The following CADM2 variants were observed in gnomAD, a reference collection of about 807,000 sequenced individuals.
CADM2 encodes the protein immunoglobulin superfamily member 4D.
A neutral mutation model predicts 49.8 loss-of-function variants in CADM2; 12 were observed. The observed-to-expected ratio is 0.24, with a 90% CI of 0.15 to 0.39. The LOEUF (loss-of-function observed/expected upper bound fraction) is 0.39. Among genes scored for constraint, CADM2 ranks in the 10% least tolerant of loss-of-function variants. The probability of loss-of-function intolerance (pLI) is 1.00; values close to 1 mark genes in which losing one functional copy is unlikely to be tolerated. For missense variants in CADM2, 378 were observed against 492.3 expected (o/e 0.77, Z 2.20); for synonymous variants, 214 against 175.4 (o/e 1.22, Z -1.74).
intron 1 of CADM2, among the ~76,000 whole-genome samples, chr3:85,021,339 A>G (rs1004055474): frequency 1.2e-4 from 18 of 152,164 alleles, no homozygotes; most frequent in African/African-American, 3.4e-4. Flanking sequence ...CGAAAAAGTT[A>G]GTGTAGGTGA....
chr3:85,455,902 A>G (rs950961367), intron 1 of CADM2, among the ~76,000 whole-genome samples: 26 of 152,204 alleles, frequency 1.7e-4, no homozygotes, highest in African/African-American at 6.0e-4. Context: ...ATTCTGCTTC[A>G]TGATGACAAA....
chr3:85,342,391 A>G (rs1442251145), intron 1 of CADM2, among the ~76,000 whole-genome samples: 2 of 152,132 alleles, frequency 1.3e-5, no homozygotes, highest in Non-Finnish European at 2.9e-5. Flanking sequence ...ATGGAATTAT[A>G]TAAAATATTT....
At chr3:85,949,065 A>G (rs1226906043) in intron 7 of CADM2, among the ~76,000 whole-genome samples, 1 of 151,472 alleles carries the variant, frequency 6.6e-6, no homozygotes, top group African/African-American at 2.4e-5. Flanking sequence ...CAACATTGAA[A>G]ATATAACAGC....
At chr3:85,899,844 T>A (rs916451377) in intron 5 of CADM2, among the ~76,000 whole-genome samples, 8 of 152,164 alleles carry the variant, frequency 5.3e-5, no homozygotes, top group Non-Finnish European at 1.2e-4. Context: ...TTCAAATAGA[T>A]CTTGTCCCAG....
intron 1 of CADM2, among the ~76,000 whole-genome samples, chr3:85,599,968 T>G (rs1157830442): frequency 6.6e-6 from 1 of 151,920 alleles, no homozygotes; most frequent in Non-Finnish European, 1.5e-5. Flanking sequence ...TTTAAAGAAG[T>G]TTGTCTATTT....
chr3:85,215,391 CTTTTA>C (rs2041900356), intron 1 of CADM2, among the ~76,000 whole-genome samples: 5 of 133,538 alleles, frequency 3.7e-5, no homozygotes, highest in African/African-American at 8.3e-5. Flanking sequence ...AAGAAAAAAA[CTTTTA>C]TTTTAAGTTC....
At chr3:85,187,900 T>G (rs1188749922) in intron 1 of CADM2, among the ~76,000 whole-genome samples, 2 of 152,040 alleles carry the variant, frequency 1.3e-5, no homozygotes, top group African/African-American at 4.8e-5. Flanking sequence ...AAGTCCTTGA[T>G]GTATCAGAAT....
chr3:85,170,342 CTT>C (rs10649749), intron 1 of CADM2, among the ~76,000 whole-genome samples: 4 of 144,394 alleles, frequency 2.8e-5, no homozygotes, highest in Non-Finnish European at 4.6e-5. Context: ...CTTTTTCTAA[CTT>C]TTTTTTTTTT....
intron 1 of CADM2, among the ~76,000 whole-genome samples, chr3:85,561,232 C>A (rs9825916): frequency 0.24 from 25,620 of 105,314 alleles, 2,682 homozygotes; most frequent in Non-Finnish European, 0.37. Flanking sequence ...GACTATTTAA[C>A]AGTTTATTTA....
chr3:85,168,002 C>G (rs1318414563), intron 1 of CADM2, among the ~76,000 whole-genome samples: 3 of 152,102 alleles, frequency 2.0e-5, no homozygotes, highest in Non-Finnish European at 4.4e-5. Flanking sequence ...AGGGACTAAG[C>G]TCAAGTGGTA....
chr3:85,252,648 A>C (rs1417533016), intron 1 of CADM2, among the ~76,000 whole-genome samples: 1 of 151,978 alleles, frequency 6.6e-6, no homozygotes, highest in Non-Finnish European at 1.5e-5. Context: ...TATTATTCTC[A>C]TCTTTCAGTT....
intron 3 of CADM2, among the ~76,000 whole-genome samples, chr3:85,837,207 T>C (rs769906502): frequency 4.0e-5 from 6 of 151,632 alleles, no homozygotes; most frequent in Non-Finnish European, 8.9e-5. Flanking sequence ...TAATGTTTGA[T>C]GAGTTAAATC....
At chr3:85,716,445 T>G (rs1050604083) in intron 1 of CADM2, among the ~76,000 whole-genome samples, 4 of 152,170 alleles carry the variant, frequency 2.6e-5, no homozygotes, top group African/African-American at 9.6e-5. Context: ...TTTCTCTAAT[T>G]CTGTAGATTG....
chr3:85,224,371 TAA>T (rs1408828397), intron 1 of CADM2, among the ~76,000 whole-genome samples: 2 of 152,216 alleles, frequency 1.3e-5, no homozygotes, highest in East Asian at 1.9e-4. Flanking sequence ...CATTTTTTCA[TAA>T]GTTTGTTGGC....
At chr3:85,761,210 A>T (rs766941497) in intron 2 of CADM2, among the ~76,000 whole-genome samples, 1 of 152,068 alleles carries the variant, frequency 6.6e-6, no homozygotes, top group Non-Finnish European at 1.5e-5. Context: ...ATAAATAGGG[A>T]TGGAAACCCG....
chr3:85,801,697 G>A (rs1559667235), intron 2 of CADM2, among the ~76,000 whole-genome samples: 1 of 152,088 alleles, frequency 6.6e-6, no homozygotes, highest in Non-Finnish European at 1.5e-5. Flanking sequence ...AATTATTTCA[G>A]TGCTTTATCT....
rs116633583 is a variant in CADM2, at chr3:85,443,708, T to A, written c.62-282814T>A. Among the ~76,000 whole-genome samples the A allele has an allele frequency of 2.4e-3, 364 of 152,248 alleles. 2 individuals carry two copies. Among genetic ancestry groups the A allele is most frequent in the African/African-American group, 8.4e-3 (347 of 41,538 alleles). ...GCAATGTACCTGGCTGCCCTTTAAC[T>A]GTCTCTTTGCTCCTTCCCTTCTCAC... On this transcript the variant is annotated intron_variant, in intron 1 of 9. Coordinates refer to ENST00000383699, the MANE Select transcript of CADM2 (RefSeq NM_001167675.2).
At chr3:85,021,167 A>G (rs112568622) in intron 1 of CADM2, among the ~76,000 whole-genome samples, 25 of 151,670 alleles carry the variant, frequency 1.6e-4, no homozygotes, top group African/African-American at 5.8e-4. Flanking sequence ...GAAGAAAAGA[A>G]GAAACGTGAA....
intron 1 of CADM2, among the ~76,000 whole-genome samples, chr3:85,369,463 T>A (rs2033037235): frequency 6.6e-6 from 1 of 151,988 alleles, no homozygotes; most frequent in South Asian, 2.1e-4. Context: ...CGAAACCCCA[T>A]CTCTACTGAA....
Sources: allele counts gnomAD v4.1 joint callset (sites outside exome capture counted in the v4.1 genomes callset), GRCh38; gene constraint gnomAD v4.1.1; transcripts MANE v1.5; gene names NCBI Gene and HGNC (gene_info 2026-07-23, HGNC 2026-07-21).